Variants in SH3RF3 observed in about 807,000 individuals in gnomAD.
SH3RF3 encodes SH3 domain containing ring finger 3.
A neutral mutation model predicts 66.3 loss-of-function variants in SH3RF3; 29 were observed. That is an observed-to-expected ratio of 0.44 (90% confidence interval 0.33 to 0.60). The LOEUF (loss-of-function observed/expected upper bound fraction) is 0.60. Ranked by LOEUF, SH3RF3 falls within the 20% of genes least tolerant of loss-of-function variation. The pLI, the probability that SH3RF3 is intolerant of heterozygous loss-of-function variation, is 0.04. For missense variants in SH3RF3, 1,194 were observed against 1,190.9 expected, an observed-to-expected ratio of 1.00 and a Z score of -0.04; for synonymous variants, 583 against 532.0, an observed-to-expected ratio of 1.10 and a Z score of -1.32.
intron 1 of SH3RF3, among the ~76,000 whole-genome samples, chr2:109,345,175 C>A (rs1682655932): frequency 6.6e-6 from 1 of 152,296 alleles, no homozygotes; most frequent in East Asian, 1.9e-4. Flanking sequence ...TGGCTCTGCA[C>A]CCCAGCTTTA....
At chr2:109,346,049 C>T (rs1293717753) in intron 1 of SH3RF3, among the ~76,000 whole-genome samples, 1 of 152,240 alleles carries the variant, frequency 6.6e-6, no homozygotes, top group African/African-American at 2.4e-5. Context: ...ACTGCCCCTT[C>T]CCATTTTTTC....
At chr2:109,199,587 T>TCAACCCGAGTGCAGG (rs1558953897) in intron 1 of SH3RF3, among the ~76,000 whole-genome samples, 2 of 978 alleles carry the variant, frequency 2.0e-3, no homozygotes, top group Non-Finnish European at 4.5e-3. Flanking sequence ...TGGAATGGAA[T>TCAACCCGAGTGCAGG]GGAATGGAAT....
chr2:109,350,534 G>A (rs1175453740), intron 2 of SH3RF3, among the ~76,000 whole-genome samples: 9 of 152,136 alleles, frequency 5.9e-5, no homozygotes, highest in Admixed American at 5.2e-4. Flanking sequence ...GGGCGAGGTC[G>A]GGCAGAGATT....
chr2:109,218,327 C>A (rs1272490780), intron 1 of SH3RF3, among the ~76,000 whole-genome samples: 1 of 152,176 alleles, frequency 6.6e-6, no homozygotes, highest in Non-Finnish European at 1.5e-5. Flanking sequence ...GTGTGGATTT[C>A]TTCTACTTCA....
chr2:109,418,266 C>G (rs1274866338), intron 4 of SH3RF3, among the ~76,000 whole-genome samples: 1 of 152,140 alleles, frequency 6.6e-6, no homozygotes, highest in Non-Finnish European at 1.5e-5. Context: ...GAGGTGGACC[C>G]CTTCCTCCTC....
intron 4 of SH3RF3, among the ~76,000 whole-genome samples, chr2:109,402,676 T>G (rs1200716647): frequency 2.6e-5 from 4 of 152,202 alleles, no homozygotes; most frequent in Non-Finnish European, 5.9e-5. Flanking sequence ...ACAGGATGAA[T>G]TCTTGGCACC....
At chr2:109,279,083 T>C (rs750878513) in intron 1 of SH3RF3, among the ~76,000 whole-genome samples, 2 of 152,228 alleles carry the variant, frequency 1.3e-5, no homozygotes, top group African/African-American at 4.8e-5. Flanking sequence ...TGGGAACTGC[T>C]GTGCCCATTA....
intron 8 of SH3RF3, among the ~76,000 whole-genome samples, chr2:109,462,145 G>A (rs181015091): frequency 6.7e-6 from 1 of 149,636 alleles, no homozygotes; most frequent in Admixed American, 6.7e-5. Flanking sequence ...TTGCTCACTA[G>A]GTCCAGTCAG....
chr2:109,394,329 T>A (rs1676084028), intron 3 of SH3RF3, among the ~76,000 whole-genome samples: 1 of 152,122 alleles, frequency 6.6e-6, no homozygotes, highest in Non-Finnish European at 1.5e-5. Flanking sequence ...TGTGGGATGG[T>A]GAGCCCTGGC....
At chr2:109,461,713 C>G (rs1678211738) in intron 8 of SH3RF3, among the ~76,000 whole-genome samples, 1 of 152,164 alleles carries the variant, frequency 6.6e-6, no homozygotes, top group South Asian at 2.1e-4. Flanking sequence ...ACGTAGCATC[C>G]CTGTCTGCCA....
intron 2 of SH3RF3, among the ~76,000 whole-genome samples, chr2:109,369,266 T>C (rs1453446390): frequency 6.6e-6 from 1 of 152,038 alleles, no homozygotes; most frequent in East Asian, 1.9e-4. Flanking sequence ...GGGGAATCAC[T>C]TGAACCCAGG....
intron 4 of SH3RF3, among the ~76,000 whole-genome samples, chr2:109,412,790 G>T (rs1676629419): frequency 6.6e-6 from 1 of 152,156 alleles, no homozygotes; most frequent in Admixed American, 6.5e-5. Context: ...ATCCCAAAAG[G>T]CAACTCCCCA....
At chr2:109,206,354 G>C (rs1253376902) in intron 1 of SH3RF3, among the ~76,000 whole-genome samples, 1 of 151,934 alleles carries the variant, frequency 6.6e-6, no homozygotes, top group Non-Finnish European at 1.5e-5. Flanking sequence ...TGCCGGGCTT[G>C]GTGGAGGGCA....
At chr2:109,424,763 C>T (rs1445374863) in intron 5 of SH3RF3, among the ~76,000 whole-genome samples, 1 of 152,264 alleles carries the variant, frequency 6.6e-6, no homozygotes, top group Middle Eastern at 3.4e-3. Context: ...ACCGTTTCCC[C>T]CATCTCTCTT....
intron 1 of SH3RF3, among the ~76,000 whole-genome samples, chr2:109,295,263 C>T (rs974324314): frequency 3.3e-5 from 5 of 152,212 alleles, no homozygotes; most frequent in Admixed American, 6.5e-5. Flanking sequence ...CTTGGGCCTG[C>T]GGTGGCTCCA....
intron 1 of SH3RF3, among the ~76,000 whole-genome samples, chr2:109,195,506 G>A (rs1678474507): frequency 6.6e-6 from 1 of 152,120 alleles, no homozygotes; most frequent in South Asian, 2.1e-4. Context: ...GCTTTATTTT[G>A]GAAACCTACG....
At position 109,501,554 on chromosome 2, in the gene SH3RF3, G is replaced by A. The variant is rs1258673870; in HGVS notation, c.2532G>A (p.Leu844=). ...CCCAGAGTGAGGCGGAGATCGAGCT[G>A]AAGGAAGGCGACATCGTCTTTGTGC... is the stretch of plus-strand genomic sequence containing the variant. The part of the protein sequence containing the change: ...YPPQSEAEIE[L]KEGDIVFVHK... The change falls in exon 10 of 10, where the codon CTG becomes CTA. Residue 844 remains leucine, a synonymous_variant. Transcript: ENST00000309415. 1 of 779,664 alleles carries A rather than the reference G, an allele frequency of 1.3e-6. No individual in the cohort carries two copies. Among genetic ancestry groups the A allele is most frequent in the Non-Finnish European group, 2.4e-6 (1 of 417,624 alleles). 48.3% of individuals were successfully genotyped at this position (779,664 alleles called of 1,614,324 possible). A position where few individuals can be genotyped will look rare whatever the true frequency, so the allele number is the denominator to read the frequency against.
intron 2 of SH3RF3, among the ~76,000 whole-genome samples, chr2:109,355,829 A>G (rs1172007946): frequency 1.3e-5 from 2 of 152,214 alleles, no homozygotes; most frequent in Non-Finnish European, 2.9e-5. Context: ...ATTTCTCCAT[A>G]TACTAATGAG....
At chr2:109,242,076 T>G (rs1472949612) in intron 1 of SH3RF3, among the ~76,000 whole-genome samples, 1 of 151,750 alleles carries the variant, frequency 6.6e-6, no homozygotes, top group African/African-American at 2.4e-5. Context: ...GGGGGTGTCA[T>G]AGGTAGCCTG....
Sources: allele counts gnomAD v4.1 joint callset (sites outside exome capture counted in the v4.1 genomes callset), GRCh38; gene constraint gnomAD v4.1.1; transcripts MANE v1.5; gene names NCBI Gene and HGNC (gene_info 2026-07-23, HGNC 2026-07-21).